The following IGFN1 variants were observed in gnomAD, a reference collection of about 807,000 sequenced individuals.
The protein encoded by IGFN1 is immunoglobulin like and fibronectin type III domain containing 1, also known as immunoglobulin-like and fibronectin type III domain-containing protein 1.
A neutral mutation model predicts 289.5 loss-of-function variants in IGFN1; 253 were observed. The ratio of observed to expected loss-of-function variants is 0.87; its 90% CI spans 0.79 to 0.97. IGFN1 has a LOEUF of 0.97. Among genes scored for constraint, IGFN1 ranks in the 50% least tolerant of loss-of-function variants. IGFN1 has a pLI of 0.00. For synonymous variants in IGFN1, 1,706 were observed against 1,788.5 expected (o/e 0.95, Z 1.16); for missense variants, 4,470 against 4,686.1 (o/e 0.95, Z 1.35).
chr1:201,218,461 A>C (rs1653474630), intron 17 of IGFN1, 69 bp from the exon 18 acceptor site: 3 of 1,524,708 alleles, frequency 2.0e-6, no homozygotes, highest in Non-Finnish European at 2.7e-6. Flanking sequence ...CAGAACTTGG[A>C]GGCACCCAAG....
At chr1:201,199,234 T>C (rs895998412) in intron 5 of IGFN1, 100 bp from the exon 6 acceptor site, 5 of 1,013,792 alleles carry the variant, frequency 4.9e-6, no homozygotes, top group African/African-American at 3.2e-5. Flanking sequence ...AGAGCAGGGC[T>C]CTGGGACTCC....
chr1:201,216,845 C>G, intron 16 of IGFN1, 92 bp downstream of exon 16: 1 of 1,083,796 alleles, frequency 9.2e-7, no homozygotes, highest in Middle Eastern at 3.1e-4. Flanking sequence ...CTGAGTGACA[C>G]CAGCCTGTGC....
At chr1:201,219,244 A>G (rs1232889675) in intron 18 of IGFN1, among the ~76,000 whole-genome samples, 3 of 152,192 alleles carry the variant, frequency 2.0e-5, no homozygotes, top group Non-Finnish European at 2.9e-5. Flanking sequence ...TCTCTATCCA[A>G]TGAATATTTG....
At position 201,212,104 on chromosome 1, in the gene IGFN1, A is replaced by G; in HGVS notation, c.7211A>G (p.Asp2404Gly). 1 of 1,536,442 alleles carries G rather than the reference A, an allele frequency of 6.5e-7. No individual in the cohort carries two copies. The highest frequency in any genetic ancestry group is 1.2e-5 in the South Asian group (1 of 84,062). The change falls in exon 12 of 24, where the codon GAT (aspartate) becomes GGT (glycine). Residue 2404 changes from aspartate to glycine, a missense_variant. Coordinates refer to ENST00000335211, the MANE Select transcript of IGFN1 (RefSeq NM_001164586.2). ...TCAGAGGGTGACACGAACTCCAAGG[A>G]TGGTCCAGAGCGAGCCAGGGAAACC... ...VASEGDTNSK[D>G]GPERARETRL... is the part of the protein sequence containing the mutation.
rs1667774796 is a variant in IGFN1, at chr1:201,211,318, A to G, written c.6425A>G (p.Tyr2142Cys). 6.6e-7 allele frequency: 1 copy of G among 1,518,972 alleles called. No individual in the cohort carries two copies. Among genetic ancestry groups the G allele is most frequent in the African/African-American group, 1.4e-5 (1 of 72,218 alleles). The allele number at this position is 1,518,972 out of a possible 1,614,324, so 94.1% of individuals were successfully genotyped here. A position where few individuals can be genotyped will look rare whatever the true frequency, so the allele number is the denominator to read the frequency against. ...TEMGSVNEAG[Y>C]RKDLGAPKGM... ...ATGGGGTCAGTGAATGAGGCAGGTT[A>G]TAGGAAGGATTTGGGGGCTCCTAAG... Residue 2142 changes from tyrosine to cysteine, a missense_variant, in exon 12 of 24, where the codon TAT becomes TGT. Tyr to Cys is a radical substitution (Grantham distance 194, BLOSUM62 -2). Transcript: ENST00000335211.
rs777153331 is a variant in IGFN1 at position 201,211,299 on chromosome 1, T to C, written c.6406T>C (p.Ser2136Pro). 2.0e-5 allele frequency: 30 copies of C among 1,528,896 alleles called. No homozygotes were observed. Among genetic ancestry groups the C allele is most frequent in the Non-Finnish European group, 2.6e-5 (30 of 1,143,252 alleles). 94.7% of individuals were successfully genotyped at this position (1,528,896 alleles called of 1,614,324 possible). Residue 2136 changes from serine to proline, a missense_variant, in exon 12 of 24, where the codon TCA (serine) becomes CCA (proline). By Grantham distance (74) the Ser-to-Pro change is moderately conservative. This residue lies in a region of IGFN1 where 2,218 missense variants were observed against 2,114.1 expected (regional missense o/e 1.05). Coordinates refer to ENST00000335211, the MANE Select transcript of IGFN1 (RefSeq NM_001164586.2). ...DGLGSSTEMG[S>P]VNEAGYRKDL... Reference sequence around the variant, plus strand: ...TTTAGGGAGTTCTACAGAAATGGGGTCAGTGAATGAGGCAGGTTATAGGAA... The same window carrying C: ...TTTAGGGAGTTCTACAGAAATGGGGCCAGTGAATGAGGCAGGTTATAGGAA...
chr1:201,223,075 A>G (rs1315537694), intron 20 of IGFN1: 4 of 355,048 alleles, frequency 1.1e-5, no homozygotes, highest in African/African-American at 2.1e-5. Context: ...AAATCCCTCT[A>G]GTGGTAGCTT....
At chr1:201,217,552 C>A in intron 17 of IGFN1, 92 bp downstream of exon 17, 2 of 1,354,290 alleles carry the variant, frequency 1.5e-6, no homozygotes, top group African/African-American at 1.5e-5. Context: ...TTAATACAGT[C>A]GTTCTCGTCT....
At chr1:201,215,243 T>C in intron 14 of IGFN1, 89 bp downstream of exon 14, 1 of 1,384,882 alleles carries the variant, frequency 7.2e-7, no homozygotes, top group Non-Finnish European at 9.8e-7. Flanking sequence ...ACACCTGAAT[T>C]TGTGGCTAGT....
Position 201,215,116 on chromosome 1 carries a change from C to T in IGFN1, c.8957C>T (p.Ala2986Val). Residue 2986 changes from alanine to valine, a missense_variant, in exon 14 of 24, where the codon GCT becomes GTT. Around this residue, in one of 8 missense-constraint regions of IGFN1, gnomAD observed 2,218 missense variants for 2,114.1 expected, o/e 1.05. Coordinates refer to ENST00000335211, the MANE Select transcript of IGFN1 (RefSeq NM_001164586.2). ...GTQAGRYTFV[A>V]GDQQSEATLT... ...CAAGCTGGGAGGTACACCTTTGTAG[C>T]TGGTGACCAGCAGAGCGAGGCCACC... is the stretch of plus-strand genomic sequence containing the variant. 1.9e-6 allele frequency: 3 copies of T among 1,613,978 alleles called. No individual in the cohort carries two copies. The South Asian group carries it at 3.3e-5, about 18-fold the overall frequency.
chr1:201,206,777 G>T lies in IGFN1; in HGVS notation c.1884G>T (p.Glu628Asp). The T allele has an allele frequency of 6.5e-7, 1 of 1,536,900 alleles. No individual in the cohort carries two copies. Among genetic ancestry groups the T allele is most frequent in the Non-Finnish European group, 8.7e-7 (1 of 1,146,914 alleles). The stretch of plus-strand genomic sequence containing the variant: ...CCTGGCCAAGAGGAAAGCAGATAGA[G>T]ATTTCACAGGATGACAGCCTGGCTG... Reference protein sequence around the residue: ...VGSWPRGKQIEISQDDSLAEM... With the variant: ...VGSWPRGKQIDISQDDSLAEM... The change falls in exon 12 of 24, where the codon GAG becomes GAT. Residue 628 changes from glutamate (E) to aspartate (D), a missense_variant. By Grantham distance (45) the Glu-to-Asp change is conservative (BLOSUM62 2). This residue lies in a region of IGFN1 where 2,011 missense variants were observed against 1,953.4 expected (regional missense o/e 1.03). Transcript: ENST00000335211.
rs1667598534 is a variant in IGFN1, at chr1:201,209,368, A to C, written c.4475A>C (p.Glu1492Ala). The change falls in exon 12 of 24, where the codon GAG (glutamate) becomes GCG (alanine). Residue 1492 changes from glutamate to alanine, a missense_variant. Physicochemically the swap from Glu to Ala is moderately radical, Grantham distance 107. Transcript: ENST00000335211. ...GGTTCTGGGGAAATGGGGTTAATTGAGGCAGGCTATAGGAAAGATTTGGGG... is the reference window on the plus strand; with the variant it reads ...GGTTCTGGGGAAATGGGGTTAATTGCGGCAGGCTATAGGAAAGATTTGGGG... The part of the protein sequence containing the change: ...LRGSGEMGLI[E>A]AGYRKDLGVS... The C allele has an allele frequency of 6.7e-7, 1 of 1,498,158 alleles. No homozygotes were observed. Among genetic ancestry groups the C allele is most frequent in the Non-Finnish European group, 8.8e-7 (1 of 1,131,448 alleles). The allele number at this position is 1,498,158 out of a possible 1,614,324, so 92.8% of individuals were successfully genotyped here.
In IGFN1 at chr1:201,195,987, C is replaced by A. The variant is rs778008722; in HGVS notation, c.267+9C>A. 2 of 1,551,062 alleles carry A rather than the reference C, an allele frequency of 1.3e-6. No individual in the cohort carries two copies. Among genetic ancestry groups the A allele is most frequent in the Non-Finnish European group, 1.7e-6 (2 of 1,146,706 alleles). On this transcript the variant is annotated intron_variant, in intron 4 of 23. Coordinates refer to ENST00000335211, the MANE Select transcript of IGFN1 (RefSeq NM_001164586.2). ...AGGAGCACGTGCTGCAGGTAAGAAC[C>A]GTAGCTCTTCCCCTGACCAGGGTCT...
At position 201,199,637 on chromosome 1, in the gene IGFN1, G is replaced by A. The variant is rs1377004429; in HGVS notation, c.441G>A (p.Arg147=). ...TCAGGAAGGAGCTGATGGACTTCCG[G>A]AAGTTGCTGAAAAAGAGGTGGGTTT... ...EDLRKELMDF[R]KLLKKRAPPA... is the part of the protein sequence containing the mutation. The change falls in exon 7 of 24, where the codon CGG becomes CGA. Residue 147 remains arginine (R), a synonymous_variant. Coordinates refer to ENST00000335211, the MANE Select transcript of IGFN1 (RefSeq NM_001164586.2). 1 of 1,551,482 alleles carries A rather than the reference G, an allele frequency of 6.4e-7. No individual in the cohort carries two copies. Among genetic ancestry groups the A allele is most frequent in the Non-Finnish European group, 8.7e-7 (1 of 1,146,960 alleles).
rs1282901411 is a variant in IGFN1, at chr1:201,210,743, T to A, written c.5850T>A (p.Gly1950=). Residue 1950 remains glycine, a synonymous_variant, in exon 12 of 24, where the codon GGT becomes GGA. Transcript: ENST00000335211. ...SKEGFRDGLG[G]SEEMGSVNKA... ...AAGGTTTCAGGGATGGTTTAGGGGGTTCTGAAGAAATGGGGTCAGTGAATA... is the reference window on the plus strand; with the variant it reads ...AAGGTTTCAGGGATGGTTTAGGGGGATCTGAAGAAATGGGGTCAGTGAATA... 4 of 1,526,116 alleles carry A rather than the reference T, an allele frequency of 2.6e-6. No homozygotes were observed. The highest frequency in any genetic ancestry group is 3.5e-6 in the Non-Finnish European group (4 of 1,143,422). The allele number at this position is 1,526,116 out of a possible 1,614,324, so 94.5% of individuals were successfully genotyped here.
chr1:201,214,542 C>T (rs1460867722), intron 13 of IGFN1, among the ~76,000 whole-genome samples: 1 of 152,118 alleles, frequency 6.6e-6, no homozygotes, highest in Non-Finnish European at 1.5e-5. Context: ...TCCAAAATGC[C>T]TCTTCTATAC....
intron 3 of IGFN1, among the ~76,000 whole-genome samples, chr1:201,195,602 G>A (rs1280643807): frequency 6.6e-6 from 1 of 152,094 alleles, no homozygotes; most frequent in East Asian, 1.9e-4. Context: ...CCCTCAAGCA[G>A]CCCAAGCTTC....
rs1468162483 is a variant in IGFN1 at position 201,209,930 on chromosome 1, G to A, written c.5037G>A (p.Gly1679=). ...AGGCAGGTTATAGGAAGAATTTGGG[G>A]GCTCCTGAGGGAATAGGTTCAGGGA... ...MDEAGYRKNL[G]APEGIGSGSK... is the part of the protein sequence containing the mutation. Residue 1679 remains glycine, a synonymous_variant, in exon 12 of 24, where the codon GGG becomes GGA. Transcript: ENST00000335211. 1.4e-6 allele frequency: 2 copies of A among 1,455,000 alleles called. No individual in the cohort carries two copies. The highest frequency in any genetic ancestry group is 1.2e-5 in the South Asian group (1 of 80,254). 90.1% of individuals were successfully genotyped at this position (1,455,000 alleles called of 1,614,324 possible).
chr1:201,226,101 C>A lies in IGFN1; in HGVS notation c.10764C>A (p.Pro3588=), dbSNP rs201348202. Residue 3588 remains proline (P), a synonymous_variant, in exon 22 of 24, where the codon CCC becomes CCA. Transcript: ENST00000335211. ...GASKPSDTSQ[P]WCIPRQRDRF... ...GCAAACCCTCGGACACCAGCCAGCC[C>A]TGGTGCATCCCCCGGCAGCGCGGTA... 103 of 1,601,032 alleles carry A rather than the reference C, an allele frequency of 6.4e-5. 1 individual carries two copies. The Admixed American group carries it at 1.0e-3, about 16-fold the overall frequency.
Sources: gnomAD v4.1 joint callset for allele counts (sites outside exome capture counted in the v4.1 genomes callset) on GRCh38, gnomAD v4.1.1 for gene constraint, gnomAD v4.1.1 regional missense constraint, MANE v1.5 for transcripts, NCBI Gene and HGNC (gene_info 2026-07-23, HGNC 2026-07-21) for gene names.